STK10: variants seen among roughly 807,000 people sequenced by gnomAD.
STK10 encodes serine/threonine kinase 10, also known as serine/threonine-protein kinase 10.
In STK10, 78 loss-of-function variants were observed where a neutral mutation model predicts 113.8. That is an observed-to-expected ratio of 0.69 (90% confidence interval 0.57 to 0.83). The LOEUF (loss-of-function observed/expected upper bound fraction) is 0.83, where lower values mean the gene tolerates loss of function less well. Among genes scored for constraint, STK10 ranks in the 40% least tolerant of loss-of-function variants. The pLI is 0.00. For missense variants in STK10, 1,109 were observed against 1,280.1 expected (o/e 0.87, Z 2.04); for synonymous variants, 465 against 494.7 (o/e 0.94, Z 0.80).
chr5:172,078,911 C>G (rs1170640390), intron 12 of STK10, among the ~76,000 whole-genome samples: 1 of 150,990 alleles, frequency 6.6e-6, no homozygotes, highest in African/African-American at 2.4e-5. Context: ...TAGGCAACTT[C>G]CTCTGTCGCC....
chr5:172,048,822 T>C (rs1463506178), intron 18 of STK10, among the ~76,000 whole-genome samples: 3 of 151,050 alleles, frequency 2.0e-5, no homozygotes, highest in African/African-American at 4.9e-5. Context: ...AGCCAGACTT[T>C]ACGCAGGCCC....
intron 9 of STK10, among the ~76,000 whole-genome samples, chr5:172,090,577 C>G (rs892294638): frequency 3.9e-5 from 6 of 152,254 alleles, no homozygotes; most frequent in African/African-American, 1.4e-4. Context: ...CCTTCAGAAA[C>G]TGTGCTGAGG....
In STK10 at chr5:172,042,387, A is replaced by G. The variant is rs1767396807; in HGVS notation, c.*2495T>C. The G allele has an allele frequency of 6.6e-6, 1 of 152,628 alleles. No individual in the cohort carries two copies. The highest frequency in any genetic ancestry group is 2.4e-5 in the African/African-American group (1 of 41,446). 9.5% of individuals were successfully genotyped at this position (152,628 alleles called of 1,614,324 possible). A position where few individuals can be genotyped will look rare whatever the true frequency, so the allele number is the denominator to read the frequency against. On this transcript the variant is annotated 3_prime_UTR_variant, in exon 19 of 19. Coordinates refer to ENST00000176763, the MANE Select transcript of STK10 (RefSeq NM_005990.4). ...TGACCCCGCCAGTCCCCATCCAGAA[A>G]AGCACAGGGGAGCTCTGAGGGCTCA...
intron 18 of STK10, among the ~76,000 whole-genome samples, chr5:172,051,671 C>T (rs1474936825): frequency 4.6e-5 from 7 of 151,908 alleles, no homozygotes; most frequent in African/African-American, 1.5e-4. Flanking sequence ...TCACGAGGGA[C>T]GTTGCAAAGG....
At chr5:172,097,196 G>A (rs1225116917) in intron 7 of STK10, among the ~76,000 whole-genome samples, 2 of 152,056 alleles carry the variant, frequency 1.3e-5, no homozygotes, top group African/African-American at 4.8e-5. Context: ...GTGCCACCAC[G>A]CCAGGCTAAT....
intron 4 of STK10, among the ~76,000 whole-genome samples, chr5:172,116,570 AAAG>A (rs760454067): frequency 4.6e-5 from 7 of 152,120 alleles, no homozygotes; most frequent in Non-Finnish European, 7.4e-5. Context: ...GGAGACATTT[AAAG>A]AAGAAGGTTT....
intron 2 of STK10, among the ~76,000 whole-genome samples, chr5:172,134,835 G>T (rs1357130483): frequency 1.3e-5 from 2 of 151,456 alleles, no homozygotes; most frequent in African/African-American, 4.9e-5. Context: ...GAGGTGGAAG[G>T]ATCATTTGAG....
At chr5:172,154,884 A>C (rs775806435) in intron 2 of STK10, among the ~76,000 whole-genome samples, 4 of 152,166 alleles carry the variant, frequency 2.6e-5, no homozygotes, top group South Asian at 2.1e-4. Flanking sequence ...AAACCACATA[A>C]TGCAAGTGAA....
At chr5:172,091,361 A>C (rs1314084739) in intron 9 of STK10, among the ~76,000 whole-genome samples, 1 of 152,150 alleles carries the variant, frequency 6.6e-6, no homozygotes, top group African/African-American at 2.4e-5. Context: ...TCCTGTGAGT[A>C]ATCGCACACG....
intron 3 of STK10, 35 bp downstream of exon 3, chr5:172,127,338 G>C (rs766145170): frequency 1.2e-6 from 2 of 1,612,946 alleles, no homozygotes; most frequent in Non-Finnish European, 1.7e-6. Flanking sequence ...CGAGTCGTCT[G>C]GTCCCGACAA....
intron 3 of STK10, among the ~76,000 whole-genome samples, chr5:172,121,269 G>A (rs1561816068): frequency 6.6e-6 from 1 of 151,990 alleles, no homozygotes. Context: ...GACCTCAGGT[G>A]ATCCACCCGC....
chr5:172,049,119 C>T (rs938827646), intron 18 of STK10, among the ~76,000 whole-genome samples: 3 of 152,120 alleles, frequency 2.0e-5, no homozygotes, highest in African/African-American at 7.2e-5. Flanking sequence ...GCTTCTTGGC[C>T]CCTTACTAGA....
intron 1 of STK10, among the ~76,000 whole-genome samples, chr5:172,173,583 C>T (rs1436454399): frequency 6.6e-6 from 1 of 152,200 alleles, no homozygotes; most frequent in Non-Finnish European, 1.5e-5. Context: ...CCCACCAGAC[C>T]CCCCAGTAGC....
At position 172,182,774 on chromosome 5, in the gene STK10, G is replaced by A. The variant is rs372199174; in HGVS notation, c.156+5113C>T. Among the ~76,000 whole-genome samples, 34 of 152,018 alleles carry A rather than the reference G, an allele frequency of 2.2e-4. 1 individual carries two copies. Among genetic ancestry groups the A allele is most frequent in the African/African-American group, 8.2e-4 (34 of 41,460 alleles). On this transcript the variant is annotated intron_variant, in intron 1 of 18. Transcript: ENST00000176763. Reference sequence around the variant, plus strand: ...TCACCATGTTGCCCAGGCTGGTCTTGAACTCCTGACCTCATGATCCACCCA... The same window carrying A: ...TCACCATGTTGCCCAGGCTGGTCTTAAACTCCTGACCTCATGATCCACCCA...
rs1271927406 is a variant in STK10, at chr5:172,188,008, A to C, written c.35T>G (p.Leu12Arg). 6.2e-7 allele frequency: 1 copy of C among 1,613,166 alleles called. No homozygotes were observed. The highest frequency in any genetic ancestry group is 2.2e-5 in the East Asian group (1 of 44,870). Residue 12 changes from leucine (L) to arginine (R), a missense_variant, in exon 1 of 19, where the codon CTG (leucine) becomes CGG (arginine). Coordinates refer to ENST00000176763, the MANE Select transcript of STK10 (RefSeq NM_005990.4). The surrounding 1 kb of genome is among the most constrained non-coding windows in gnomAD (Gnocchi z 5.6). Reference protein sequence around the residue: ...AFANFRRILRLSTFEKRKSRE... With the variant: ...AFANFRRILRRSTFEKRKSRE... ...GGACTTTCTCTTCTCGAAGGTAGAC[A>C]GGCGCAGGATGCGGCGGAAATTGGC...
chr5:172,100,547 G>C (rs1481108662), intron 7 of STK10, among the ~76,000 whole-genome samples: 1 of 152,104 alleles, frequency 6.6e-6, no homozygotes, highest in African/African-American at 2.4e-5. Context: ...AGCACTTTGG[G>C]AGCCTGAGGC....
Position 172,105,730 on chromosome 5 carries a change from C to G in STK10, c.796G>C (p.Glu266Gln), listed in dbSNP as rs1448694154. The G allele has an allele frequency of 6.2e-7, 1 of 1,613,842 alleles. No individual in the cohort carries two copies. The highest frequency in any genetic ancestry group is 8.5e-7 in the Non-Finnish European group (1 of 1,180,012). ...GCTATCTTCAGGAAGTCACGGAACTCTACAGACCTGGGAGGACAGGCGTCA... is the reference window on the plus strand; with the variant it reads ...GCTATCTTCAGGAAGTCACGGAACTGTACAGACCTGGGAGGACAGGCGTCA... ...TLLTPSKWSV[E>Q]FRDFLKIALD... is the part of the protein sequence containing the mutation. Residue 266 changes from glutamate (E) to glutamine (Q), a missense_variant, in exon 7 of 19, where the codon GAG becomes CAG. Physicochemically the swap from Glu to Gln is conservative, Grantham distance 29. Transcript: ENST00000176763.
chr5:172,121,444 A>G (rs1581166829), intron 3 of STK10, among the ~76,000 whole-genome samples: 1 of 152,048 alleles, frequency 6.6e-6, no homozygotes, highest in Non-Finnish European at 1.5e-5. Context: ...GGCTCATGCA[A>G]TCTTCCCACC....
At position 172,044,980 on chromosome 5, in the gene STK10, T is replaced by A; in HGVS notation, c.2809A>T (p.Met937Leu). The change falls in exon 19 of 19, where the codon ATG becomes TTG. Residue 937 changes from methionine (M) to leucine (L), a missense_variant. Around this residue, in one of 5 missense-constraint regions of STK10, gnomAD observed 885 missense variants for 991.1 expected, o/e 0.89. Transcript: ENST00000176763. This position sits in a 1 kb window ranked among gnomAD's most constrained non-coding sequence, Gnocchi z 4.5. ...GCCTCCTCGCTCAGCTTGAAGAACA[T>A]CTCCTGCTCCCGCTTCTTCTGGTTC... ...DLNQKKREQE[M>L]FFKLSEEAEC... The A allele has an allele frequency of 6.2e-7, 1 of 1,614,134 alleles. No homozygotes were observed. The highest frequency in any genetic ancestry group is 1.3e-5 in the African/African-American group (1 of 75,024).
Sources: allele counts gnomAD v4.1 joint callset (sites outside exome capture counted in the v4.1 genomes callset), GRCh38; gene constraint gnomAD v4.1.1; regional missense constraint gnomAD v4.1.1; non-coding constraint Gnocchi (gnomAD v3.1); transcripts MANE v1.5; gene names NCBI Gene and HGNC (gene_info 2026-07-23, HGNC 2026-07-21).